The following ZNF131 variants were observed in gnomAD, a reference collection of about 807,000 sequenced individuals.
The protein encoded by ZNF131 is zinc finger protein 131.
ZNF131 carries 7 observed loss-of-function variants against 60.0 expected under a neutral mutation model. That is an observed-to-expected ratio of 0.12 (90% CI 0.07 to 0.22). The LOEUF is 0.22. Among genes scored for constraint, ZNF131 ranks in the 10% least tolerant of loss-of-function variants. ZNF131 has a pLI of 1.00. For missense variants in ZNF131, 493 were observed against 740.9 expected (o/e 0.67, Z 3.88); for synonymous variants, 257 against 253.2 (o/e 1.01, Z -0.14).
At chr5:43,147,970 C>G (rs1022741779) in intron 4 of ZNF131, among the ~76,000 whole-genome samples, 4 of 150,068 alleles carry the variant, frequency 2.7e-5, no homozygotes, top group African/African-American at 9.8e-5. Flanking sequence ...AGGAGAATCA[C>G]TTGAACTTGG....
Position 43,144,237 on chromosome 5 carries a change from CTTTTTTTTTTT to C in ZNF131, c.371+4948_371+4958del, listed in dbSNP as rs935655531. On this transcript the variant is annotated intron_variant, in intron 4 of 6. Transcript: ENST00000682664. ...GCGCCTGGCCTTTTTTTCTTTCTTT[CTTTTTTTTTTT>C]TTTTTTTTTTTTTTTTTTTGGAGAC... Among the ~76,000 whole-genome samples, 96 of 65,312 alleles carry C rather than the reference CTTTTTTTTTTT, an allele frequency of 1.5e-3. 1 individual carries two copies. The highest frequency in any genetic ancestry group is 1.8e-3 in the Non-Finnish European group (66 of 37,244). 42.8% of individuals were successfully genotyped at this position (65,312 alleles called of 152,430 possible).
At position 43,144,394 on chromosome 5, in the gene ZNF131, A is replaced by C. The variant is rs1476603639; in HGVS notation, c.371+5085A>C. ...TAGGCGCTCACCACCACGCCCAACTAATTTTTTTTACTTTTGGTAGAGTCG... is the reference window on the plus strand; with the variant it reads ...TAGGCGCTCACCACCACGCCCAACTCATTTTTTTTACTTTTGGTAGAGTCG... On this transcript the variant is annotated intron_variant, in intron 4 of 6. Coordinates refer to ENST00000682664, the MANE Select transcript of ZNF131 (RefSeq NM_001330707.2). Among the ~76,000 whole-genome samples the C allele has an allele frequency of 2.0e-5, 3 of 150,874 alleles. No individual in the cohort carries two copies. The East Asian group carries it at 5.9e-4, about 29-fold the overall frequency.
Position 43,174,554 on chromosome 5 carries a change from A to G in ZNF131, c.1293A>G (p.Gln431=). 1 of 1,606,708 alleles carries G rather than the reference A, an allele frequency of 6.2e-7. No individual in the cohort carries two copies. The highest frequency in any genetic ancestry group is 8.5e-7 in the Non-Finnish European group (1 of 1,176,002). Residue 431 remains glutamine (Q), a synonymous_variant, in exon 7 of 7, where the codon CAA becomes CAG. Transcript: ENST00000682664. The stretch of plus-strand genomic sequence containing the variant: ...CTTTATGTGATTTGTGGTTTATGCA[A>G]GGAAATGAATTAAGGAGGCATCTCA... ...HCTLCDLWFM[Q]GNELRRHLSD...
chr5:43,162,968 C>CTTTTTTTTT (rs1561439718), intron 5 of ZNF131, among the ~76,000 whole-genome samples: 1 of 54,072 alleles, frequency 1.8e-5, no homozygotes, highest in Non-Finnish European at 4.2e-5. Context: ...CTTTTATTTG[C>CTTTTTTTTT]CTTTTTTTTT....
At chr5:43,156,772 C>T (rs1579846829) in intron 4 of ZNF131, among the ~76,000 whole-genome samples, 4 of 152,238 alleles carry the variant, frequency 2.6e-5, no homozygotes, top group African/African-American at 9.6e-5. Flanking sequence ...CGCAGTGGCT[C>T]ACGCCCATAA....
At chr5:43,167,329 G>T (rs1750491276) in intron 5 of ZNF131, among the ~76,000 whole-genome samples, 1 of 152,160 alleles carries the variant, frequency 6.6e-6, no homozygotes, top group Non-Finnish European at 1.5e-5. Context: ...TTTACACGGG[G>T]TTGTCACAAA....
rs77702882 is a variant in ZNF131, at chr5:43,156,882, CA to C, written c.372-4355del. ...TGAGACCTTGTCTCTCTACCCCCACCAAAAAAAAAAAATTACACCTTAATTC... is the reference window on the plus strand; with the variant it reads ...TGAGACCTTGTCTCTCTACCCCCACCAAAAAAAAAAATTACACCTTAATTC... On this transcript the variant is annotated intron_variant, in intron 4 of 6. Transcript: ENST00000682664. Among the ~76,000 whole-genome samples the C allele has an allele frequency of 1.8e-3, 255 of 143,854 alleles. No homozygotes were observed. The Middle Eastern group carries it at 0.028, about 16-fold the overall frequency. The allele number at this position is 143,854 out of a possible 152,430, so 94.4% of individuals were successfully genotyped here.
chr5:43,139,076 C>A, intron 3 of ZNF131, 89 bp from the exon 4 acceptor site: 1 of 1,132,090 alleles, frequency 8.8e-7, no homozygotes, highest in Non-Finnish European at 1.2e-6. Context: ...ACTCAACAAG[C>A]TCCAAGCCCT....
chr5:43,123,541 C>G (rs1744138782), intron 3 of ZNF131: 2 of 343,156 alleles, frequency 5.8e-6, no homozygotes, highest in Non-Finnish European at 1.0e-5. Flanking sequence ...AATGATCTGC[C>G]AGGAAAAACT....
intron 4 of ZNF131, among the ~76,000 whole-genome samples, chr5:43,151,317 T>C (rs773692003): frequency 3.9e-5 from 6 of 152,226 alleles, no homozygotes; most frequent in Non-Finnish European, 7.3e-5. Context: ...TTTGAGAATT[T>C]CTAACCAAGA....
chr5:43,153,566 T>A (rs1307356960), intron 4 of ZNF131, among the ~76,000 whole-genome samples: 1 of 151,066 alleles, frequency 6.6e-6, no homozygotes, highest in African/African-American at 2.4e-5. Flanking sequence ...CACTTGAACC[T>A]GGGAGGTGGA....
intron 4 of ZNF131, among the ~76,000 whole-genome samples, chr5:43,142,847 A>T (rs933246276): frequency 6.6e-6 from 1 of 151,668 alleles, no homozygotes; most frequent in Non-Finnish European, 1.5e-5. Context: ...GCTTGCCACC[A>T]TGCCTGGCTA....
At chr5:43,127,032 GTT>G (rs1040917222) in intron 3 of ZNF131, among the ~76,000 whole-genome samples, 2 of 152,102 alleles carry the variant, frequency 1.3e-5, no homozygotes, top group Non-Finnish European at 2.9e-5. Flanking sequence ...ACTGTTTTGA[GTT>G]TTGATTTCTC....
chr5:43,121,905 C>T, intron 1 of ZNF131, 134 bp from the exon 2 acceptor site: 1 of 1,020,260 alleles, frequency 9.8e-7, no homozygotes, highest in South Asian at 1.9e-5. Context: ...CTTCCCTCGC[C>T]TTTCTCTCCT....
intron 4 of ZNF131, among the ~76,000 whole-genome samples, chr5:43,147,076 C>T (rs894399705): frequency 2.0e-5 from 3 of 152,158 alleles, no homozygotes; most frequent in East Asian, 1.9e-4. Context: ...TATAGTGTAC[C>T]GTACAAAGTT....
chr5:43,135,228 C>T (rs1280837587), intron 3 of ZNF131, among the ~76,000 whole-genome samples: 2 of 151,246 alleles, frequency 1.3e-5, no homozygotes, highest in Admixed American at 6.6e-5. Flanking sequence ...CTCCTGACCT[C>T]AGGTGATCCA....
intron 4 of ZNF131, among the ~76,000 whole-genome samples, chr5:43,152,876 C>T (rs1242248048): frequency 6.6e-6 from 1 of 152,158 alleles, no homozygotes; most frequent in Non-Finnish European, 1.5e-5. Context: ...TCCCAAAGTG[C>T]TGGTATTATA....
chr5:43,143,336 A>G, intron 4 of ZNF131: 1 of 1,287,292 alleles, frequency 7.8e-7, no homozygotes, highest in Non-Finnish European at 9.9e-7. Flanking sequence ...CTTTTATTTA[A>G]GTGCAGTGAT....
At chr5:43,121,952 G>GT (rs920123821) in intron 1 of ZNF131, 87 bp from the exon 2 acceptor site, 171 of 1,399,096 alleles carry the variant, frequency 1.2e-4, no homozygotes, top group Admixed American at 2.1e-4. Flanking sequence ...CACGTTGCTG[G>GT]TTTTTTTTGT....
Sources: gnomAD v4.1 joint callset for allele counts (sites outside exome capture counted in the v4.1 genomes callset) on GRCh38, gnomAD v4.1.1 for gene constraint, MANE v1.5 for transcripts, NCBI Gene and HGNC (gene_info 2026-07-23, HGNC 2026-07-21) for gene names.